The following HSPBAP1 variants were observed in gnomAD, a reference collection of about 807,000 sequenced individuals.
HSPBAP1 encodes the protein HSPB1 associated protein 1.
Under a neutral mutation model 45.2 loss-of-function variants are expected in HSPBAP1, and 27 were observed. The observed-to-expected ratio is 0.60, with a 90% CI of 0.44 to 0.82. The LOEUF (loss-of-function observed/expected upper bound fraction) is 0.82. Ranked by LOEUF, HSPBAP1 falls within the 40% of genes least tolerant of loss-of-function variation. HSPBAP1 has a pLI of 0.00. For missense variants in HSPBAP1, 510 were observed against 590.9 expected (o/e 0.86, Z 1.42); for synonymous variants, 204 against 202.7 (o/e 1.01, Z -0.06).
chr3:122,770,113 G>A (rs1382861334), intron 2 of HSPBAP1, among the ~76,000 whole-genome samples: 3 of 152,110 alleles, frequency 2.0e-5, no homozygotes, highest in Non-Finnish European at 2.9e-5. Context: ...CTTTTCTTAC[G>A]TTTCTGCCTG....
In HSPBAP1 at chr3:122,768,662, C is replaced by T. The variant is rs547557187; in HGVS notation, c.432+39G>A. Reference sequence around the variant, plus strand: ...CTAATTTGTGTTCTTTTCTCAAAAACAAATTCCTACCAAGATTAGAAGGAA... The same window carrying T: ...CTAATTTGTGTTCTTTTCTCAAAAATAAATTCCTACCAAGATTAGAAGGAA... On this transcript the variant is annotated intron_variant, in intron 3 of 7. Transcript: ENST00000306103. 8.3e-6 allele frequency: 12 copies of T among 1,444,264 alleles called. No individual in the cohort carries two copies. The South Asian group carries it at 1.3e-4, about 15-fold the overall frequency. The allele number at this position is 1,444,264 out of a possible 1,614,324, so 89.5% of individuals were successfully genotyped here.
chr3:122,778,506 G>T (rs114342323), intron 1 of HSPBAP1, among the ~76,000 whole-genome samples: 8,050 of 144,644 alleles, frequency 0.056, 291 homozygotes, highest in Middle Eastern at 0.11. Context: ...CCACAGTCTA[G>T]TATTTCTTTT....
In HSPBAP1 at chr3:122,793,790, C is replaced by G; in HGVS notation, c.-110G>C. On this transcript the variant is annotated 5_prime_UTR_variant, in exon 1 of 8. Transcript: ENST00000306103. ...GAAGCTGCACCACAGGAAGGAGCCCCGGCGACTCCCGCCCGGCTCCTACGG... is the reference window on the plus strand; with the variant it reads ...GAAGCTGCACCACAGGAAGGAGCCCGGGCGACTCCCGCCCGGCTCCTACGG... 1.2e-5 allele frequency: 11 copies of G among 909,392 alleles called. No individual in the cohort carries two copies. In the South Asian group the frequency reaches 1.3e-4, roughly 11 times the overall value. 56.3% of individuals were successfully genotyped at this position (909,392 alleles called of 1,614,324 possible). A position where few individuals can be genotyped will look rare whatever the true frequency, so the allele number is the denominator to read the frequency against.
intron 2 of HSPBAP1, among the ~76,000 whole-genome samples, chr3:122,773,314 T>G (rs1475784277): frequency 7.0e-6 from 1 of 143,392 alleles, no homozygotes; most frequent in African/African-American, 2.6e-5. Context: ...TTTTTTTTTT[T>G]TTTTTTTTTT....
chr3:122,758,796 C>T, intron 4 of HSPBAP1: 1 of 454,188 alleles, frequency 2.2e-6, no homozygotes. Context: ...ACTTGAGAGG[C>T]TGCGGCAGGA....
At chr3:122,774,810 A>C (rs1428148767) in intron 2 of HSPBAP1, among the ~76,000 whole-genome samples, 6 of 152,158 alleles carry the variant, frequency 3.9e-5, no homozygotes, top group Non-Finnish European at 1.5e-5. Context: ...GACACCATTC[A>C]AGACAGGCAA....
chr3:122,779,169 G>C (rs1005172202), intron 1 of HSPBAP1, among the ~76,000 whole-genome samples: 4 of 151,932 alleles, frequency 2.6e-5, no homozygotes, highest in Non-Finnish European at 5.9e-5. Context: ...AGCCTTCCGA[G>C]TAGCTGGGAT....
At chr3:122,760,616 A>C (rs906093145) in intron 3 of HSPBAP1, among the ~76,000 whole-genome samples, 3 of 151,980 alleles carry the variant, frequency 2.0e-5, no homozygotes, top group Admixed American at 2.0e-4. Context: ...TCTGTCATAG[A>C]AGGGGGAATT....
intron 4 of HSPBAP1, among the ~76,000 whole-genome samples, chr3:122,757,730 T>G (rs1934404994): frequency 6.6e-6 from 1 of 152,208 alleles, no homozygotes; most frequent in Non-Finnish European, 1.5e-5. Context: ...GGCCAGAAAA[T>G]GTCTTATTAC....
Position 122,768,930 on chromosome 3 carries a change from C to A in HSPBAP1, c.251-48G>T. ...CTTAAATGTATAATGAACACATTTC[C>A]TAATTATTGTTTTTTTTTTAAAATA... On this transcript the variant is annotated intron_variant, in intron 2 of 7. Coordinates refer to ENST00000306103, the MANE Select transcript of HSPBAP1 (RefSeq NM_024610.6). 2.6e-6 allele frequency: 3 copies of A among 1,145,858 alleles called. No homozygotes were observed. In the Admixed American group the frequency reaches 7.1e-5, roughly 27 times the overall value. The allele number at this position is 1,145,858 out of a possible 1,614,324, so 71.0% of individuals were successfully genotyped here.
chr3:122,754,636 ATCT>A (rs1934277129), intron 5 of HSPBAP1: 13 of 985,014 alleles, frequency 1.3e-5, no homozygotes, highest in Non-Finnish European at 1.4e-5. Flanking sequence ...AGAGAATAAA[ATCT>A]TCTTAAGTGA....
chr3:122,791,668 T>C (rs747302652), intron 1 of HSPBAP1, among the ~76,000 whole-genome samples: 20 of 152,214 alleles, frequency 1.3e-4, no homozygotes, highest in Admixed American at 9.2e-4. Flanking sequence ...TTTAAATAGT[T>C]TGATCTGGTA....
chr3:122,793,740 G>C lies in HSPBAP1; in HGVS notation c.-60C>G. 2 of 1,523,254 alleles carry C rather than the reference G, an allele frequency of 1.3e-6. No homozygotes were observed. The highest frequency in any genetic ancestry group is 1.8e-6 in the Non-Finnish European group (2 of 1,101,406). The allele number at this position is 1,523,254 out of a possible 1,614,324, so 94.4% of individuals were successfully genotyped here. The stretch of plus-strand genomic sequence containing the variant: ...GCGGAGCGGAGCTGGGGTGGGGTCA[G>C]AGTAGGGGCCAAACTCCGAGACCCG... On this transcript the variant is annotated 5_prime_UTR_variant, in exon 1 of 8. Coordinates refer to ENST00000306103, the MANE Select transcript of HSPBAP1 (RefSeq NM_024610.6).
chr3:122,746,959 A>G (rs1395444608), intron 6 of HSPBAP1, among the ~76,000 whole-genome samples: 2 of 151,748 alleles, frequency 1.3e-5, no homozygotes, highest in Non-Finnish European at 2.9e-5. Context: ...TCAGTGCTCA[A>G]TGGTGCCCAG....
At chr3:122,781,786 G>A (rs1321711144) in intron 1 of HSPBAP1, among the ~76,000 whole-genome samples, 1 of 152,138 alleles carries the variant, frequency 6.6e-6, no homozygotes, top group Non-Finnish European at 1.5e-5. Flanking sequence ...TGCTGCAAGG[G>A]AAATGATTTT....
intron 6 of HSPBAP1, among the ~76,000 whole-genome samples, chr3:122,744,214 A>T (rs1051629973): frequency 1.3e-5 from 2 of 152,182 alleles, no homozygotes; most frequent in Admixed American, 1.3e-4. Flanking sequence ...AAATACTGAT[A>T]AATACATTTC....
At chr3:122,776,524 T>C (rs1935198413) in intron 2 of HSPBAP1, among the ~76,000 whole-genome samples, 1 of 152,208 alleles carries the variant, frequency 6.6e-6, no homozygotes, top group South Asian at 2.1e-4. Flanking sequence ...TAAATAAATA[T>C]TAGCTATTGG....
chr3:122,756,546 A>C (rs963898054), intron 4 of HSPBAP1, among the ~76,000 whole-genome samples: 2 of 152,012 alleles, frequency 1.3e-5, no homozygotes, highest in African/African-American at 4.8e-5. Flanking sequence ...TTTTCTTAAA[A>C]AATTAGCCAG....
chr3:122,780,498 G>T (rs1180251462), intron 1 of HSPBAP1, among the ~76,000 whole-genome samples: 1 of 131,260 alleles, frequency 7.6e-6, no homozygotes, highest in South Asian at 2.3e-4. Flanking sequence ...GCAGCTGGCC[G>T]GGCGGGGGCT....
Sources: gnomAD v4.1 joint callset for allele counts (sites outside exome capture counted in the v4.1 genomes callset) on GRCh38, gnomAD v4.1.1 for gene constraint, MANE v1.5 for transcripts, NCBI Gene and HGNC (gene_info 2026-07-23, HGNC 2026-07-21) for gene names.